CACNA2D3: variants seen among roughly 807,000 people sequenced by gnomAD.
CACNA2D3 encodes the protein voltage-dependent calcium channel subunit alpha-2/delta-3.
Under a neutral mutation model 160.6 loss-of-function variants are expected in CACNA2D3, and 60 were observed. The observed-to-expected ratio is 0.37, with a 90% confidence interval of 0.30 to 0.46. The LOEUF is 0.46. Ranked by LOEUF, CACNA2D3 falls within the 20% of genes least tolerant of loss-of-function variation. The pLI is 1.00. For synonymous variants in CACNA2D3, 558 were observed against 492.9 expected (o/e 1.13, Z -1.75); for missense variants, 1,205 against 1,365.0 (o/e 0.88, Z 1.85).
chr3:54,729,859 C>T (rs758999311), intron 11 of CACNA2D3, among the ~76,000 whole-genome samples: 30 of 151,880 alleles, frequency 2.0e-4, no homozygotes, highest in Non-Finnish European at 3.5e-4. Context: ...ATAAGCTGGG[C>T]GTGATGGCAG....
intron 5 of CACNA2D3, among the ~76,000 whole-genome samples, chr3:54,513,067 C>G (rs904707496): frequency 1.3e-5 from 2 of 152,166 alleles, no homozygotes; most frequent in African/African-American, 4.8e-5. Flanking sequence ...ATTTCCTCCC[C>G]CCAGGTCCCT....
chr3:54,894,851 A>G (rs2106875830), intron 25 of CACNA2D3: 1 of 348,026 alleles, frequency 2.9e-6, no homozygotes, highest in Non-Finnish European at 5.7e-6. Flanking sequence ...AGCAGCACAA[A>G]GAAGAGCTTG....
At chr3:54,323,691 C>T (rs1256015533) in intron 3 of CACNA2D3, among the ~76,000 whole-genome samples, 1 of 152,192 alleles carries the variant, frequency 6.6e-6, no homozygotes, top group Non-Finnish European at 1.5e-5. Flanking sequence ...TGGTCTCGAT[C>T]TCCTGACCTC....
intron 2 of CACNA2D3, among the ~76,000 whole-genome samples, chr3:54,284,925 T>A (rs1702971437): frequency 6.6e-6 from 1 of 152,204 alleles, no homozygotes; most frequent in Non-Finnish European, 1.5e-5. Flanking sequence ...GAAAAGTATG[T>A]CATAAAGGAG....
intron 9 of CACNA2D3, among the ~76,000 whole-genome samples, chr3:54,606,834 A>C (rs1698637529): frequency 6.6e-6 from 1 of 152,078 alleles, no homozygotes; most frequent in Admixed American, 6.6e-5. Context: ...CTCAACTCTG[A>C]CTATAAAAGT....
At chr3:55,004,613 A>T in intron 31 of CACNA2D3, 150 bp from the exon 32 acceptor site, 1 of 594,898 alleles carries the variant, frequency 1.7e-6, no homozygotes, top group Non-Finnish European at 3.0e-6. Context: ...GGCCTTTGCC[A>T]GGCTCCTTGT....
intron 17 of CACNA2D3, among the ~76,000 whole-genome samples, chr3:54,867,590 A>G (rs1699432900): frequency 6.6e-6 from 1 of 151,280 alleles, no homozygotes; most frequent in Non-Finnish European, 1.5e-5. Flanking sequence ...GTATTGATAC[A>G]TGAAACATCC....
intron 29 of CACNA2D3, among the ~76,000 whole-genome samples, chr3:54,977,185 GT>G (rs1702409664): frequency 6.6e-6 from 1 of 152,110 alleles, no homozygotes; most frequent in African/African-American, 2.4e-5. Flanking sequence ...CACAAAAAGG[GT>G]AAAATATAGT....
chr3:55,056,104 A>C (rs988064982), intron 35 of CACNA2D3, among the ~76,000 whole-genome samples: 3 of 152,214 alleles, frequency 2.0e-5, no homozygotes, highest in Non-Finnish European at 4.4e-5. Flanking sequence ...CTCAACAGCA[A>C]GAAAACAAAA....
intron 3 of CACNA2D3, among the ~76,000 whole-genome samples, chr3:54,356,275 C>T (rs191846149): frequency 6.6e-6 from 1 of 152,258 alleles, no homozygotes; most frequent in East Asian, 1.9e-4. Context: ...TCCTTTTTGG[C>T]CCTCTCTGTG....
chr3:54,321,443 C>T (rs1037783406), intron 3 of CACNA2D3, among the ~76,000 whole-genome samples: 7 of 152,142 alleles, frequency 4.6e-5, no homozygotes, highest in Non-Finnish European at 7.4e-5. Context: ...CACCACACCT[C>T]GCTCACTTGC....
chr3:54,930,762 C>A (rs1036990200), intron 27 of CACNA2D3, among the ~76,000 whole-genome samples: 4 of 152,222 alleles, frequency 2.6e-5, no homozygotes, highest in African/African-American at 9.6e-5. Context: ...TCAAGTGATA[C>A]TTAAGTGCCT....
At chr3:55,049,232 G>A (rs970011128) in intron 35 of CACNA2D3, among the ~76,000 whole-genome samples, 4 of 149,142 alleles carry the variant, frequency 2.7e-5, no homozygotes, top group Admixed American at 6.6e-5. Context: ...TTTCTCTTGT[G>A]GGCATTTAGT....
At chr3:55,034,417 T>C (rs1308172071) in intron 35 of CACNA2D3, among the ~76,000 whole-genome samples, 1 of 152,082 alleles carries the variant, frequency 6.6e-6, no homozygotes, top group Non-Finnish European at 1.5e-5. Flanking sequence ...GTTAGTCTTT[T>C]CTTTTAAGGT....
chr3:54,673,421 T>G (rs1384736219), intron 11 of CACNA2D3, among the ~76,000 whole-genome samples: 1 of 152,186 alleles, frequency 6.6e-6, no homozygotes, highest in Non-Finnish European at 1.5e-5. Flanking sequence ...CAAACTTATC[T>G]GATCAGGAAA....
At chr3:54,619,206 CAAG>C (rs1698928101) in intron 9 of CACNA2D3, among the ~76,000 whole-genome samples, 1 of 152,210 alleles carries the variant, frequency 6.6e-6, no homozygotes, top group African/African-American at 2.4e-5. Flanking sequence ...CATGACCTCA[CAAG>C]AAGGACGATG....
intron 29 of CACNA2D3, among the ~76,000 whole-genome samples, chr3:54,976,224 T>TA (rs1702388621): frequency 6.6e-6 from 1 of 151,058 alleles, no homozygotes; most frequent in African/African-American, 2.4e-5. Context: ...GAGTGTGGGC[T>TA]TTGGAGTCCC....
chr3:54,509,979 T>A lies in CACNA2D3; in HGVS notation c.544+6325T>A, dbSNP rs150347661. Among the ~76,000 whole-genome samples the A allele has an allele frequency of 2.6e-5, 4 of 152,288 alleles. No homozygotes were observed. In the East Asian group the frequency reaches 7.7e-4, roughly 29 times the overall value. ...TGTATTTTCTCAGAAGTTGTATTAG[T>A]AGAAGGAAGGTGTGATTTGGCCCTT... On this transcript the variant is annotated intron_variant, in intron 5 of 37. Transcript: ENST00000474759.
chr3:54,661,653 G>A (rs1444754605), intron 11 of CACNA2D3, among the ~76,000 whole-genome samples: 2 of 152,096 alleles, frequency 1.3e-5, no homozygotes, highest in East Asian at 3.9e-4. Context: ...AAAAGGGGTG[G>A]GGTGCAGATG....
Sources: allele counts gnomAD v4.1 joint callset (sites outside exome capture counted in the v4.1 genomes callset), GRCh38; gene constraint gnomAD v4.1.1; transcripts MANE v1.5; gene names NCBI Gene and HGNC (gene_info 2026-07-23, HGNC 2026-07-21).